The following CEMIP variants were observed in gnomAD, a reference collection of about 807,000 sequenced individuals.
The protein encoded by CEMIP is cell migration-inducing and hyaluronan-binding protein.
In CEMIP, 105 loss-of-function variants were observed where a neutral mutation model predicts 156.9. The ratio of observed to expected loss-of-function variants is 0.67; its 90% CI spans 0.57 to 0.79. The LOEUF (loss-of-function observed/expected upper bound fraction) is 0.79. Ranked by LOEUF, CEMIP falls within the 30% of genes least tolerant of loss-of-function variation. The pLI, the probability that CEMIP is intolerant of heterozygous loss-of-function variation, is 0.00. For synonymous variants in CEMIP, 676 were observed against 668.4 expected (o/e 1.01, Z -0.17); for missense variants, 1,457 against 1,769.4 (o/e 0.82, Z 3.17).
chr15:80,928,227 G>C (rs2141942589), intron 19 of CEMIP, among the ~76,000 whole-genome samples: 1 of 152,200 alleles, frequency 6.6e-6, no homozygotes, highest in South Asian at 2.1e-4. Context: ...GTCTGTGGTA[G>C]CACAGACCCA....
intron 1 of CEMIP, among the ~76,000 whole-genome samples, chr15:80,788,403 G>A (rs1407365288): frequency 6.7e-6 from 1 of 149,978 alleles, no homozygotes; most frequent in Admixed American, 6.8e-5. Context: ...CCCGAGAGGT[G>A]GAAGTTGCAG....
chr15:80,904,507 G>A (rs571074680), intron 12 of CEMIP, among the ~76,000 whole-genome samples: 1 of 152,314 alleles, frequency 6.6e-6, no homozygotes, highest in South Asian at 2.1e-4. Context: ...GGACTTTGCA[G>A]ATGTGGTAAA....
At chr15:80,811,109 A>T (rs914179169) in intron 1 of CEMIP, among the ~76,000 whole-genome samples, 3 of 152,226 alleles carry the variant, frequency 2.0e-5, no homozygotes, top group Non-Finnish European at 4.4e-5. Context: ...ACCTACTTAC[A>T]GTCTAGTGGA....
Position 80,873,916 on chromosome 15 carries a change from G to T in CEMIP, c.37G>T (p.Ala13Ser). Residue 13 changes from alanine (A) to serine (S), a missense_variant, in exon 3 of 30, where the codon GCC becomes TCC. This residue lies in a region of CEMIP where 309 missense variants were observed against 340.8 expected (regional missense o/e 0.91). Transcript: ENST00000394685. ...TGGGAGGCAGGACTTCCTCTTCAAG[G>T]CCATGCTGACCATCAGCTGGCTCAC... ...AAGRQDFLFK[A>S]MLTISWLTLT... 1 of 1,582,036 alleles carries T rather than the reference G, an allele frequency of 6.3e-7. No homozygotes were observed. Among genetic ancestry groups the T allele is most frequent in the Admixed American group, 1.8e-5 (1 of 55,604 alleles).
intron 29 of CEMIP, 119 bp downstream of exon 29, chr15:80,947,184 C>A (rs1901594167): frequency 2.9e-6 from 2 of 690,804 alleles, no homozygotes; most frequent in South Asian, 1.7e-5. Flanking sequence ...AACGTGGGTA[C>A]AACCTAAGAA....
rs142651376 is a variant in CEMIP, at chr15:80,914,185, C to T, written c.1797+4879C>T. On this transcript the variant is annotated intron_variant, in intron 14 of 29. Coordinates refer to ENST00000394685, the MANE Select transcript of CEMIP (RefSeq NM_001293298.2). ...TGTGTTTCTGAACTCTGAGGCAGGA[C>T]ATAGGGGGATTCACCTTCCTGTTTT... is the stretch of plus-strand genomic sequence containing the variant. Among the ~76,000 whole-genome samples, 1,035 of 152,294 alleles carry T rather than the reference C, an allele frequency of 6.8e-3. 11 individuals are homozygous for T. Among genetic ancestry groups the T allele is most frequent in the Non-Finnish European group, 7.0e-3 (473 of 68,034 alleles).
chr15:80,844,485 G>A (rs1897506248), intron 1 of CEMIP, among the ~76,000 whole-genome samples: 1 of 152,160 alleles, frequency 6.6e-6, no homozygotes, highest in South Asian at 2.1e-4. Context: ...TCTTTCTCTG[G>A]GGTTTTTGGG....
intron 14 of CEMIP, among the ~76,000 whole-genome samples, chr15:80,914,219 G>C (rs1900176474): frequency 6.6e-6 from 1 of 152,214 alleles, no homozygotes; most frequent in Non-Finnish European, 1.5e-5. Flanking sequence ...TTTCCTGAAG[G>C]AAAGTAATGG....
chr15:80,929,426 G>A (rs138578154), intron 21 of CEMIP, among the ~76,000 whole-genome samples: 1 of 152,308 alleles, frequency 6.6e-6, no homozygotes, highest in African/African-American at 2.4e-5. Flanking sequence ...GCATTCCTGG[G>A]CTATGTTAAT....
Position 80,798,421 on chromosome 15 carries a change from C to T in CEMIP, c.-176+18807C>T, listed in dbSNP as rs181481458. On this transcript the variant is annotated intron_variant, in intron 1 of 29. Transcript: ENST00000394685. ...TTTTTTCCCAAGTTTTGCTGATTTC[C>T]ATAGAATGATTTCTAGAAGTATAAG... 6.4e-4 allele frequency among the ~76,000 whole-genome samples: 97 copies of T among 152,128 alleles called. 1 individual carries two copies. Among genetic ancestry groups the T allele is most frequent in the Non-Finnish European group, 3.1e-4 (21 of 67,986 alleles).
chr15:80,902,272 G>A (rs569328004), intron 12 of CEMIP, among the ~76,000 whole-genome samples: 1 of 152,360 alleles, frequency 6.6e-6, no homozygotes, highest in Admixed American at 6.5e-5. Flanking sequence ...ACTGTGCAGA[G>A]CCCCTCTGCT....
At chr15:80,880,102 A>G (rs1353732260) in intron 5 of CEMIP, among the ~76,000 whole-genome samples, 1 of 152,196 alleles carries the variant, frequency 6.6e-6, no homozygotes, top group Non-Finnish European at 1.5e-5. Context: ...CCTTTCAGCC[A>G]CCTTCCAATC....
chr15:80,788,165 A>G (rs973291396), intron 1 of CEMIP, among the ~76,000 whole-genome samples: 1 of 152,082 alleles, frequency 6.6e-6, no homozygotes, highest in African/African-American at 2.4e-5. Context: ...GTTTGGGTGA[A>G]CCATTAAAAT....
chr15:80,812,571 C>T (rs557757413), intron 1 of CEMIP, among the ~76,000 whole-genome samples: 1 of 152,280 alleles, frequency 6.6e-6, no homozygotes, highest in South Asian at 2.1e-4. Flanking sequence ...GTAACACACT[C>T]AGGAAATGGG....
intron 6 of CEMIP, among the ~76,000 whole-genome samples, chr15:80,883,209 T>A (rs1381952276): frequency 6.6e-6 from 1 of 152,242 alleles, no homozygotes; most frequent in Non-Finnish European, 1.5e-5. Flanking sequence ...TTGCATAAAA[T>A]CTTTATCCTT....
At chr15:80,859,557 C>T (rs1403732638) in intron 1 of CEMIP, among the ~76,000 whole-genome samples, 1 of 152,230 alleles carries the variant, frequency 6.6e-6, no homozygotes, top group East Asian at 1.9e-4. Context: ...TTTCCAGTTT[C>T]AAGGATGCCT....
chr15:80,852,894 G>A (rs1232040691), intron 1 of CEMIP, among the ~76,000 whole-genome samples: 1 of 152,104 alleles, frequency 6.6e-6, no homozygotes, highest in African/African-American at 2.4e-5. Context: ...CTCCCAATAG[G>A]CGCCTGAATA....
At chr15:80,792,761 G>T (rs891253316) in intron 1 of CEMIP, among the ~76,000 whole-genome samples, 5 of 152,136 alleles carry the variant, frequency 3.3e-5, no homozygotes, top group Non-Finnish European at 5.9e-5. Flanking sequence ...AATGGCCAAG[G>T]CATGTGCTCT....
At chr15:80,856,666 C>T (rs1897859307) in intron 1 of CEMIP, among the ~76,000 whole-genome samples, 2 of 152,170 alleles carry the variant, frequency 1.3e-5, no homozygotes, top group African/African-American at 4.8e-5. Flanking sequence ...TGTCACAGCT[C>T]CCTGGCCCTG....
Sources: allele counts gnomAD v4.1 joint callset (sites outside exome capture counted in the v4.1 genomes callset), GRCh38; gene constraint gnomAD v4.1.1; regional missense constraint gnomAD v4.1.1; transcripts MANE v1.5; gene names NCBI Gene and HGNC (gene_info 2026-07-23, HGNC 2026-07-21).